The following FNBP1 variants were observed in gnomAD, a reference collection of about 807,000 sequenced individuals.
FNBP1 encodes the protein formin-binding protein 1.
In FNBP1, 26 loss-of-function variants were observed where a neutral mutation model predicts 90.6. The ratio of observed to expected loss-of-function variants is 0.29; its 90% CI spans 0.21 to 0.40. The LOEUF is 0.40. Ranked by LOEUF, FNBP1 falls within the 10% of genes least tolerant of loss-of-function variation. The pLI is 1.00. For synonymous variants in FNBP1, 260 were observed against 265.2 expected (o/e 0.98, Z 0.19); for missense variants, 635 against 768.0 (o/e 0.83, Z 2.05).
intron 1 of FNBP1, among the ~76,000 whole-genome samples, chr9:130,024,030 T>G (rs981757932): frequency 1.3e-5 from 2 of 152,158 alleles, no homozygotes; most frequent in Non-Finnish European, 2.9e-5. Flanking sequence ...TGGCTTACAT[T>G]TGCCGTCATT....
At chr9:129,916,756 A>C (rs976328710) in intron 10 of FNBP1, among the ~76,000 whole-genome samples, 1 of 152,192 alleles carries the variant, frequency 6.6e-6, no homozygotes, top group Non-Finnish European at 1.5e-5. Context: ...TTTTAATCTT[A>C]AGGAGCTCTA....
intron 6 of FNBP1, among the ~76,000 whole-genome samples, chr9:129,937,988 C>T (rs1056186735): frequency 6.6e-6 from 1 of 151,912 alleles, no homozygotes; most frequent in Non-Finnish European, 1.5e-5. Flanking sequence ...TATGGTGAAA[C>T]CCCATCTCTA....
In FNBP1 at chr9:129,890,465, G is replaced by A. The variant is rs1156882512; in HGVS notation, c.*74C>T. 3.9e-6 allele frequency: 5 copies of A among 1,293,112 alleles called. No individual in the cohort carries two copies. The East Asian group carries it at 1.2e-4, about 32-fold the overall frequency. The allele number at this position is 1,293,112 out of a possible 1,614,324, so 80.1% of individuals were successfully genotyped here. ...GGGTGGGCTGTCCACAGGGCAGGGC[G>A]CTGGAGGCCTGTGGGAACAAGCAGA... On this transcript the variant is annotated 3_prime_UTR_variant, in exon 17 of 17. Coordinates refer to ENST00000446176, the MANE Select transcript of FNBP1 (RefSeq NM_015033.3). The surrounding 1 kb of genome is among the most constrained non-coding windows in gnomAD (Gnocchi z 5.8).
intron 1 of FNBP1, among the ~76,000 whole-genome samples, chr9:130,005,615 A>G (rs2055582318): frequency 6.6e-6 from 1 of 152,174 alleles, no homozygotes; most frequent in African/African-American, 2.4e-5. Context: ...TGCTGGGCTT[A>G]CAGGCGTGAG....
In FNBP1 at chr9:130,031,384, T is replaced by C. The variant is rs2058788767; in HGVS notation, c.24+11568A>G. ...GTCCTCACATGGTTTTTAGCTATAG[T>C]CTGCCTCTTCAGGCTCCTATTACAA... is the stretch of plus-strand genomic sequence containing the variant. On this transcript the variant is annotated intron_variant, in intron 1 of 16. Transcript: ENST00000446176. The surrounding 1 kb of genome is among the most constrained non-coding windows in gnomAD (Gnocchi z 4.2). Among the ~76,000 whole-genome samples, 1 of 152,244 alleles carries C rather than the reference T, an allele frequency of 6.6e-6. No homozygotes were observed. Among genetic ancestry groups the C allele is most frequent in the African/African-American group, 2.4e-5 (1 of 41,468 alleles).
intron 4 of FNBP1, among the ~76,000 whole-genome samples, chr9:129,974,424 G>T (rs756105091): frequency 6.7e-6 from 1 of 150,050 alleles, no homozygotes; most frequent in Non-Finnish European, 1.5e-5. Context: ...TCGGCCTCCC[G>T]AAGTGCTGGG....
At chr9:129,892,937 T>A (rs976074344) in intron 16 of FNBP1, among the ~76,000 whole-genome samples, 5 of 149,366 alleles carry the variant, frequency 3.3e-5, no homozygotes, top group African/African-American at 1.2e-4. Flanking sequence ...ATTTTCTGAA[T>A]TAAATTTGAA....
intron 1 of FNBP1, among the ~76,000 whole-genome samples, chr9:130,035,676 G>A (rs922406142): frequency 5.3e-5 from 8 of 152,214 alleles, no homozygotes; most frequent in African/African-American, 1.9e-4. Flanking sequence ...GTCAGGCACG[G>A]TGGCTCATGC....
intron 12 of FNBP1, among the ~76,000 whole-genome samples, chr9:129,903,921 C>T (rs965236206): frequency 2.0e-5 from 3 of 152,190 alleles, no homozygotes; most frequent in African/African-American, 2.4e-5. Context: ...CCCTTAATCC[C>T]AGCTACTTGG....
intron 1 of FNBP1, among the ~76,000 whole-genome samples, chr9:129,998,514 C>CA (rs201736097): frequency 7.5e-4 from 104 of 138,714 alleles, no homozygotes; most frequent in Middle Eastern, 3.7e-3. Context: ...AACTCCACCT[C>CA]AAAAAAAAAA....
intron 1 of FNBP1, among the ~76,000 whole-genome samples, chr9:129,997,400 T>C (rs961997562): frequency 2.0e-5 from 3 of 152,186 alleles, no homozygotes; most frequent in African/African-American, 7.2e-5. Context: ...TTTTAATATT[T>C]AAAGTTGATT....
intron 1 of FNBP1, among the ~76,000 whole-genome samples, chr9:130,025,785 G>A (rs1453156756): frequency 6.6e-6 from 1 of 152,238 alleles, no homozygotes; most frequent in Non-Finnish European, 1.5e-5. Context: ...TTAGCCGGGC[G>A]TGGTGGCACA....
rs2034824332 is a variant in FNBP1 at position 129,887,533 on chromosome 9, TC to T, written c.*3005del. The T allele has an allele frequency of 4.8e-6, 1 of 208,810 alleles. No homozygotes were observed. The highest frequency in any genetic ancestry group is 5.9e-5 in the Admixed American group (1 of 16,852). The allele number at this position is 208,810 out of a possible 1,614,324, so 12.9% of individuals were successfully genotyped here. ...TTAGCATGAACGTCACTTTTTGACG[TC>T]GTGTAAACTTTCTTCTGCAATGACG... On this transcript the variant is annotated 3_prime_UTR_variant, in exon 17 of 17. Coordinates refer to ENST00000446176, the MANE Select transcript of FNBP1 (RefSeq NM_015033.3).
At chr9:129,944,105 G>A (rs913510337) in intron 6 of FNBP1, among the ~76,000 whole-genome samples, 4 of 150,270 alleles carry the variant, frequency 2.7e-5, no homozygotes, top group Middle Eastern at 3.5e-3. Context: ...TTCTCTCTCC[G>A]TCTCATGCTT....
chr9:129,972,817 G>A (rs540804792), intron 4 of FNBP1, among the ~76,000 whole-genome samples: 4 of 152,218 alleles, frequency 2.6e-5, no homozygotes, highest in South Asian at 2.1e-4. Context: ...TAGGTGCTCC[G>A]TTTTCTGTAA....
In FNBP1 at chr9:129,935,564, T is replaced by C. The variant is rs189814553; in HGVS notation, c.514-5869A>G. ...GTGCAGTGGTGCAATCTCGGTTCAC[T>C]GCAACCTCCGCCTCCCAGGTTCAAG... On this transcript the variant is annotated intron_variant, in intron 6 of 16. Transcript: ENST00000446176. Among the ~76,000 whole-genome samples the C allele has an allele frequency of 6.4e-3, 976 of 152,262 alleles. 5 individuals carry two copies. The highest frequency in any genetic ancestry group is 0.011 in the East Asian group (56 of 5,182).
the FNBP1 span, among the ~76,000 whole-genome samples, chr9:130,050,986 C>T: frequency 6.6e-5 from 10 of 151,762 alleles, 1 homozygote; most frequent in East Asian, 3.9e-4. Flanking sequence ...CTGTAACCTC[C>T]GCTTCCCAAG....
intron 1 of FNBP1, among the ~76,000 whole-genome samples, chr9:130,022,313 T>C (rs2057914491): frequency 1.3e-5 from 2 of 152,004 alleles, no homozygotes; most frequent in Non-Finnish European, 2.9e-5. Context: ...CAAGCAATTC[T>C]CCTGCCTCAG....
At chr9:129,995,695 C>T (rs1257032297) in intron 1 of FNBP1, among the ~76,000 whole-genome samples, 5 of 152,094 alleles carry the variant, frequency 3.3e-5, no homozygotes, top group Admixed American at 6.6e-5. Flanking sequence ...TGAGAGGGGA[C>T]AGGTATGCTA....
Sources: gnomAD v4.1 joint callset for allele counts (sites outside exome capture counted in the v4.1 genomes callset) on GRCh38, gnomAD v4.1.1 for gene constraint, Gnocchi (gnomAD v3.1) non-coding constraint, MANE v1.5 for transcripts, NCBI Gene and HGNC (gene_info 2026-07-23, HGNC 2026-07-21) for gene names.